Variants in SDK2 observed in about 807,000 individuals in gnomAD.
The protein encoded by SDK2 is sidekick cell adhesion molecule 2.
SDK2 carries 105 observed loss-of-function variants against 253.9 expected under a neutral mutation model. The observed-to-expected ratio is 0.41, with a 90% confidence interval of 0.35 to 0.49. SDK2 has a LOEUF of 0.49. Ranked by LOEUF, SDK2 falls within the 20% of genes least tolerant of loss-of-function variation. The pLI is 0.06. For missense variants in SDK2, 2,608 were observed against 3,003.0 expected, an observed-to-expected ratio of 0.87 and a Z score of 3.07; for synonymous variants, 1,249 against 1,234.9, an observed-to-expected ratio of 1.01 and a Z score of -0.24.
Position 73,405,447 on chromosome 17 carries a change from A to C in SDK2, c.2485-3306T>G, listed in dbSNP as rs548641294. Among the ~76,000 whole-genome samples, 160 of 120,542 alleles carry C rather than the reference A, an allele frequency of 1.3e-3. 1 individual carries two copies. The highest frequency in any genetic ancestry group is 4.8e-3 in the African/African-American group (157 of 32,436). 79.1% of individuals were successfully genotyped at this position (120,542 alleles called of 152,430 possible). On this transcript the variant is annotated intron_variant, in intron 18 of 44. Coordinates refer to ENST00000392650, the MANE Select transcript of SDK2 (RefSeq NM_001144952.2). Reference sequence around the variant, plus strand: ...AGAACAAAACTCCTTCTCAAAAAAAAAAAAAAACAAACAAAAAACCATATA... The same window carrying C: ...AGAACAAAACTCCTTCTCAAAAAAACAAAAAAACAAACAAAAAACCATATA...
At chr17:73,515,075 C>A (rs558327289) in intron 1 of SDK2, among the ~76,000 whole-genome samples, 1 of 152,318 alleles carries the variant, frequency 6.6e-6, no homozygotes, top group African/African-American at 2.4e-5. Flanking sequence ...ACTTTACATT[C>A]ATCATCTTAG....
chr17:73,433,286 CTCTT>C (rs1209171444), intron 10 of SDK2, among the ~76,000 whole-genome samples: 1 of 143,964 alleles, frequency 6.9e-6, no homozygotes, highest in Non-Finnish European at 1.5e-5. Flanking sequence ...GTGAAGGATG[CTCTT>C]TTTTTTTTTT....
At chr17:73,452,903 C>A (rs2063499013) in intron 4 of SDK2, among the ~76,000 whole-genome samples, 2 of 152,202 alleles carry the variant, frequency 1.3e-5, no homozygotes, top group African/African-American at 4.8e-5. Flanking sequence ...ACAGCAAAAT[C>A]TCAACATCCA....
intron 1 of SDK2, among the ~76,000 whole-genome samples, chr17:73,588,739 C>T (rs576122351): frequency 2.7e-4 from 41 of 152,358 alleles, no homozygotes; most frequent in Middle Eastern, 3.4e-3. Context: ...CCCAAAGTGT[C>T]AGTAGTGCGG....
chr17:73,403,664 A>G (rs1289503145), intron 18 of SDK2, among the ~76,000 whole-genome samples: 1 of 152,252 alleles, frequency 6.6e-6, no homozygotes, highest in African/African-American at 2.4e-5. Flanking sequence ...ACAATGCTTA[A>G]TCTTCTCCTT....
At chr17:73,366,809 G>T (rs149758318) in intron 37 of SDK2, among the ~76,000 whole-genome samples, 4 of 152,144 alleles carry the variant, frequency 2.6e-5, no homozygotes, top group Admixed American at 2.0e-4. Flanking sequence ...CTGCACACAG[G>T]CAGCAGGATT....
intron 1 of SDK2, among the ~76,000 whole-genome samples, chr17:73,550,568 G>A (rs1567837620): frequency 1.3e-5 from 2 of 152,038 alleles, no homozygotes; most frequent in African/African-American, 2.4e-5. Context: ...AAGCCACAGA[G>A]CTTTTGACCG....
chr17:73,409,308 CCAT>C (rs1179122089), intron 18 of SDK2, among the ~76,000 whole-genome samples: 2 of 152,076 alleles, frequency 1.3e-5, no homozygotes, highest in East Asian at 3.9e-4. Flanking sequence ...TGGTGAAACC[CCAT>C]GTCTACTAAA....
chr17:73,408,895 T>C (rs1200668421), intron 18 of SDK2, among the ~76,000 whole-genome samples: 2 of 152,230 alleles, frequency 1.3e-5, no homozygotes, highest in Non-Finnish European at 2.9e-5. Flanking sequence ...GGATATCTGA[T>C]GATATTACAG....
intron 1 of SDK2, among the ~76,000 whole-genome samples, chr17:73,530,753 T>C (rs533517589): frequency 1.3e-5 from 2 of 152,356 alleles, no homozygotes; most frequent in African/African-American, 4.8e-5. Context: ...TTAACAAATG[T>C]CACGGCACCA....
At position 73,455,662 on chromosome 17, in the gene SDK2, G is replaced by T. The variant is rs540437309; in HGVS notation, c.479+244C>A. ...AAGCAGATTTATTCTCCAGCTGATG[G>T]TGGAGGCAACGCCCTGGGATTCCCC... On this transcript the variant is annotated intron_variant, in intron 4 of 44. Transcript: ENST00000392650. This position sits in a 1 kb window ranked among gnomAD's most constrained non-coding sequence, Gnocchi z 5.0. 3.9e-5 allele frequency among the ~76,000 whole-genome samples: 6 copies of T among 152,320 alleles called. No individual in the cohort carries two copies. Among genetic ancestry groups the T allele is most frequent in the Admixed American group, 1.3e-4 (2 of 15,306 alleles).
chr17:73,468,863 C>T (rs1052297954), intron 3 of SDK2, among the ~76,000 whole-genome samples: 3 of 151,610 alleles, frequency 2.0e-5, no homozygotes, highest in Admixed American at 6.6e-5. Flanking sequence ...CTCACTCTTT[C>T]GCCCAGGCTG....
In SDK2 at chr17:73,401,673, C is replaced by T. The variant is rs1279134323; in HGVS notation, c.2760G>A (p.Glu920=). The T allele has an allele frequency of 2.5e-6, 4 of 1,592,496 alleles. No individual in the cohort carries two copies. The highest frequency in any genetic ancestry group is 2.6e-6 in the Non-Finnish European group (3 of 1,168,658). The stretch of plus-strand genomic sequence containing the variant: ...GCCTACCTGTGAGGATGCCATTTTT[C>T]TCTCCCGGCTCTTGCCAGCTGACCT... ...SLKVSWQEPG[E]KNGILTGYRI... The change falls in exon 20 of 45, where the codon GAG becomes GAA. Residue 920 remains glutamate, a synonymous_variant. Transcript: ENST00000392650.
At chr17:73,387,773 G>A (rs2062885140) in intron 30 of SDK2, 63 bp downstream of exon 30, 1 of 1,406,386 alleles carries the variant, frequency 7.1e-7, no homozygotes, top group African/African-American at 1.4e-5. Flanking sequence ...CCCAGTGGAG[G>A]AGCACCGCTG....
Position 73,380,924 on chromosome 17 carries a change from G to T in SDK2, c.4732C>A (p.Arg1578=). The T allele has an allele frequency of 6.4e-7, 1 of 1,568,110 alleles. No individual in the cohort carries two copies. The change falls in exon 34 of 45, where the codon CGG becomes AGG. Residue 1578 remains arginine, a synonymous_variant. Transcript: ENST00000392650. ...AGCTCGTACTGCGTGAGGCTGGGCC[G>T]GCTCAGGTTCCGCATGGAGTACATG... is the stretch of plus-strand genomic sequence containing the variant. ...TSMYSMRNLS[R]PSLTQYELDN...
intron 1 of SDK2, among the ~76,000 whole-genome samples, chr17:73,559,236 A>T (rs1024809200): frequency 6.6e-6 from 1 of 152,110 alleles, no homozygotes; most frequent in Non-Finnish European, 1.5e-5. Context: ...CCGAGTTCAC[A>T]CACTTCCTGC....
At chr17:73,567,769 G>T (rs1267674878) in intron 1 of SDK2, among the ~76,000 whole-genome samples, 1 of 152,234 alleles carries the variant, frequency 6.6e-6, no homozygotes, top group African/African-American at 2.4e-5. Context: ...CTTGGGTAGG[G>T]TCTGTCATTT....
Position 73,395,144 on chromosome 17 carries a change from G to A in SDK2, c.3592+11C>T. ...CAGGCAGCAGGGTGGCTGGGTGTGAGGGGTTGGTACCTGACTCCCGGGTCC... is the reference window on the plus strand; with the variant it reads ...CAGGCAGCAGGGTGGCTGGGTGTGAAGGGTTGGTACCTGACTCCCGGGTCC... On this transcript the variant is annotated intron_variant, in intron 25 of 44. Coordinates refer to ENST00000392650, the MANE Select transcript of SDK2 (RefSeq NM_001144952.2). This position sits in a 1 kb window ranked among gnomAD's most constrained non-coding sequence, Gnocchi z 4.3. 2 of 1,571,492 alleles carry A rather than the reference G, an allele frequency of 1.3e-6. No homozygotes were observed. Among genetic ancestry groups the A allele is most frequent in the South Asian group, 1.2e-5 (1 of 86,216 alleles).
chr17:73,512,117 G>T (rs1237643239), intron 1 of SDK2, among the ~76,000 whole-genome samples: 1 of 152,216 alleles, frequency 6.6e-6, no homozygotes, highest in African/African-American at 2.4e-5. Flanking sequence ...TGTTGTGAAT[G>T]CTCAGGAGGG....
Sources: gnomAD v4.1 joint callset for allele counts (sites outside exome capture counted in the v4.1 genomes callset) on GRCh38, gnomAD v4.1.1 for gene constraint, Gnocchi (gnomAD v3.1) non-coding constraint, MANE v1.5 for transcripts, NCBI Gene and HGNC (gene_info 2026-07-23, HGNC 2026-07-21) for gene names.